The following FAIM2 variants were observed in gnomAD, a reference collection of about 807,000 sequenced individuals.
The protein encoded by FAIM2 is Fas apoptotic inhibitory molecule 2.
A neutral mutation model predicts 47.4 loss-of-function variants in FAIM2; 27 were observed. That is an observed-to-expected ratio of 0.57 (90% CI 0.42 to 0.78). The LOEUF (loss-of-function observed/expected upper bound fraction) is 0.78. FAIM2 is among the 30% of genes least tolerant of loss of function. FAIM2 has a pLI of 0.00. For synonymous variants in FAIM2, 156 were observed against 159.3 expected, an observed-to-expected ratio of 0.98 and a Z score of 0.16; for missense variants, 311 against 389.4, an observed-to-expected ratio of 0.80 and a Z score of 1.69.
At position 49,867,271 on chromosome 12, in the gene FAIM2, C is replaced by G. The variant is rs2137073974; in HGVS notation, c.*3233G>C. ...CTCGGTGACTCTCCCAAACCAGGCCCTGCGTTTCCTCAAGCAGCCACTGGA... is the reference window on the plus strand; with the variant it reads ...CTCGGTGACTCTCCCAAACCAGGCCGTGCGTTTCCTCAAGCAGCCACTGGA... On this transcript the variant is annotated 3_prime_UTR_variant, in exon 12 of 12. Transcript: ENST00000320634. 1 of 152,394 alleles carries G rather than the reference C, an allele frequency of 6.6e-6. No homozygotes were observed. The highest frequency in any genetic ancestry group is 6.5e-5 in the Admixed American group (1 of 15,306). 9.4% of individuals were successfully genotyped at this position (152,394 alleles called of 1,614,324 possible).
rs1427239517 is a variant in FAIM2, at chr12:49,867,525, C to T, written c.*2979G>A. 2 of 152,186 alleles carry T rather than the reference C, an allele frequency of 1.3e-5. No homozygotes were observed. The highest frequency in any genetic ancestry group is 4.8e-5 in the African/African-American group (2 of 41,418). The allele number at this position is 152,186 out of a possible 1,614,324, so 9.4% of individuals were successfully genotyped here. On this transcript the variant is annotated 3_prime_UTR_variant, in exon 12 of 12. Coordinates refer to ENST00000320634, the MANE Select transcript of FAIM2 (RefSeq NM_012306.4). ...CCATAGGTGTGCCCGGGAATGAGTC[C>T]CAGACTCGTGTGTGCCTCCCGGGCC...
At position 49,867,768 on chromosome 12, in the gene FAIM2, C is replaced by G. The variant is rs924329099; in HGVS notation, c.*2736G>C. The G allele has an allele frequency of 1.5e-4, 23 of 152,542 alleles. No homozygotes were observed. The highest frequency in any genetic ancestry group is 5.1e-4 in the African/African-American group (21 of 41,444). 9.4% of individuals were successfully genotyped at this position (152,542 alleles called of 1,614,324 possible). A position where few individuals can be genotyped will look rare whatever the true frequency, so the allele number is the denominator to read the frequency against. On this transcript the variant is annotated 3_prime_UTR_variant, in exon 12 of 12. Coordinates refer to ENST00000320634, the MANE Select transcript of FAIM2 (RefSeq NM_012306.4). ...CTGCGGTTTCCTTAATCTTGCATTC[C>G]TGTTCCCCTGCCCTTCCTACTTCTG...
At chr12:49,902,977 G>T (rs923946828) in intron 1 of FAIM2, 2 of 152,184 alleles carry the variant, frequency 1.3e-5, no homozygotes, top group African/African-American at 4.8e-5. Context: ...AAGAGAAGAA[G>T]GGGGAGTGTA....
At chr12:49,897,168 C>G (rs1946943640) in intron 4 of FAIM2, 84 bp from the exon 5 acceptor site, 14 of 1,159,064 alleles carry the variant, frequency 1.2e-5, no homozygotes, top group Non-Finnish European at 1.8e-5. Flanking sequence ...CTGTCCCACA[C>G]AGTTCACAGA....
At chr12:49,894,832 G>T (rs621391) in intron 5 of FAIM2, among the ~76,000 whole-genome samples, 1 of 152,030 alleles carries the variant, frequency 6.6e-6, no homozygotes, top group Non-Finnish European at 1.5e-5. Context: ...TGCCTGGCAG[G>T]GCTATTGAAA....
At chr12:49,895,838 G>A (rs767248280) in intron 5 of FAIM2, among the ~76,000 whole-genome samples, 6 of 152,202 alleles carry the variant, frequency 3.9e-5, no homozygotes, top group Admixed American at 1.3e-4. Flanking sequence ...TGGGACAGCC[G>A]CAGTGTGTAA....
chr12:49,878,989 AGT>A lies in FAIM2; in HGVS notation c.802-8338_802-8337del, dbSNP rs1379325093. On this transcript the variant is annotated intron_variant, in intron 11 of 11. Transcript: ENST00000320634. ...GCGTATGTGTATATGTATGCATATG[AGT>A]GTATCTGTGTATGTGCATGTGTGTA... 2.9e-5 allele frequency among the ~76,000 whole-genome samples: 3 copies of A among 102,856 alleles called. 1 individual carries two copies. The highest frequency in any genetic ancestry group is 5.9e-5 in the Non-Finnish European group (3 of 50,642). 67.5% of individuals were successfully genotyped at this position (102,856 alleles called of 152,430 possible). A position where few individuals can be genotyped will look rare whatever the true frequency, so the allele number is the denominator to read the frequency against.
Position 49,900,260 on chromosome 12 carries a change from C to A in FAIM2, c.211+870G>T, listed in dbSNP as rs911257138. The stretch of plus-strand genomic sequence containing the variant: ...GACCATGGTGGCTACTCCCTATGAG[C>A]AGAGGCTCTGTCTGGGGCATTGTCT... On this transcript the variant is annotated intron_variant, in intron 2 of 11. Coordinates refer to ENST00000320634, the MANE Select transcript of FAIM2 (RefSeq NM_012306.4). 30 of 1,264,960 alleles carry A rather than the reference C, an allele frequency of 2.4e-5. No homozygotes were observed. The African/African-American group carries it at 3.7e-4, about 16-fold the overall frequency. The allele number at this position is 1,264,960 out of a possible 1,614,324, so 78.4% of individuals were successfully genotyped here. A position where few individuals can be genotyped will look rare whatever the true frequency, so the allele number is the denominator to read the frequency against.
intron 10 of FAIM2, 58 bp downstream of exon 10, chr12:49,889,049 T>C (rs1592791103): frequency 2.3e-6 from 3 of 1,292,564 alleles, no homozygotes; most frequent in Middle Eastern, 1.8e-4. Flanking sequence ...GAACGGCACC[T>C]TGGGCCAGTG....
Position 49,880,168 on chromosome 12 carries a change from A to T in FAIM2, c.801+7218T>A, listed in dbSNP as rs199624053. On this transcript the variant is annotated intron_variant, in intron 11 of 11. Coordinates refer to ENST00000320634, the MANE Select transcript of FAIM2 (RefSeq NM_012306.4). Reference sequence around the variant, plus strand: ...TGAGTGTATGTGTGTGCATGTGTGTATGTGTGTGTATGCATGTGTGTATAT... The same window carrying T: ...TGAGTGTATGTGTGTGCATGTGTGTTTGTGTGTGTATGCATGTGTGTATAT... 9.3e-3 allele frequency among the ~76,000 whole-genome samples: 198 copies of T among 21,334 alleles called. 3 individuals carry two copies. Among genetic ancestry groups the T allele is most frequent in the Non-Finnish European group, 0.016 (127 of 8,078 alleles). 14.0% of individuals were successfully genotyped at this position (21,334 alleles called of 152,430 possible).
chr12:49,873,658 G>C (rs1436367759), intron 11 of FAIM2, among the ~76,000 whole-genome samples: 1 of 152,144 alleles, frequency 6.6e-6, no homozygotes, highest in Non-Finnish European at 1.5e-5. Context: ...CACCCACGCA[G>C]GAGACCCCCT....
chr12:49,879,999 C>T (rs207472925), intron 11 of FAIM2, among the ~76,000 whole-genome samples: 120 of 134,482 alleles, frequency 8.9e-4, no homozygotes, highest in Non-Finnish European at 1.2e-3. Flanking sequence ...TGCATGTGTG[C>T]ATATATGCGT....
intron 10 of FAIM2, among the ~76,000 whole-genome samples, chr12:49,888,848 C>T (rs1171841309): frequency 6.6e-6 from 1 of 152,246 alleles, no homozygotes; most frequent in African/African-American, 2.4e-5. Context: ...TCACCTCCAC[C>T]CCACAGAGGA....
At position 49,901,132 on chromosome 12, in the gene FAIM2, G is replaced by A. The variant is rs760756045; in HGVS notation, c.209C>T (p.Pro70Leu). Residue 70 changes from proline (P) to leucine (L), a missense_variant and splice_region_variant, in exon 2 of 12, where the codon CCC becomes CTC. Transcript: ENST00000320634. ...GTTCCAGGAGCTGAAAGACTTACTG[G>A]GGTCCACATAGGCCCAGCTAGGGTG... ...PLHPSWAYVD[P>L]SSSSSYDNGF... 1.3e-6 allele frequency: 2 copies of A among 1,582,080 alleles called. No homozygotes were observed. Among genetic ancestry groups the A allele is most frequent in the Admixed American group, 3.8e-5 (2 of 52,590 alleles).
chr12:49,899,444 G>A (rs1946965628), intron 2 of FAIM2, among the ~76,000 whole-genome samples: 1 of 152,130 alleles, frequency 6.6e-6, no homozygotes, highest in Non-Finnish European at 1.5e-5. Flanking sequence ...TCTTAAGAAA[G>A]CCTCCGCGGC....
intron 8 of FAIM2, 23 bp from the exon 9 acceptor site, chr12:49,889,591 G>T (rs745568447): frequency 1.9e-6 from 3 of 1,605,964 alleles, no homozygotes; most frequent in African/African-American, 1.3e-5. Flanking sequence ...AGGCCGAGGG[G>T]TCAGCTCTCA....
At chr12:49,875,755 G>A (rs780989493) in intron 11 of FAIM2, among the ~76,000 whole-genome samples, 3 of 152,178 alleles carry the variant, frequency 2.0e-5, no homozygotes, top group South Asian at 2.1e-4. Context: ...TGGGTGGATC[G>A]CCTGAGGTCA....
intron 3 of FAIM2, 83 bp downstream of exon 3, chr12:49,897,904 C>T: frequency 1.9e-6 from 2 of 1,051,670 alleles, no homozygotes; most frequent in Non-Finnish European, 3.0e-6. Context: ...ATGGCTTCTG[C>T]AGGCAGAGGG....
intron 1 of FAIM2, 182 bp from the exon 2 acceptor site, chr12:49,901,507 G>A (rs773835342): frequency 3.0e-5 from 16 of 525,422 alleles, no homozygotes; most frequent in Non-Finnish European, 5.2e-5. Context: ...CTCCAGAGGG[G>A]TCAGAGCTAG....
Sources: allele counts gnomAD v4.1 joint callset (sites outside exome capture counted in the v4.1 genomes callset), GRCh38; gene constraint gnomAD v4.1.1; transcripts MANE v1.5; gene names NCBI Gene and HGNC (gene_info 2026-07-23, HGNC 2026-07-21).